The following PTPN2 variants were observed in gnomAD, a reference collection of about 807,000 sequenced individuals.
PTPN2 encodes tyrosine-protein phosphatase non-receptor type 2.
A neutral mutation model predicts 57.3 loss-of-function variants in PTPN2; 19 were observed. The observed-to-expected ratio is 0.33, with a 90% CI of 0.23 to 0.49. The LOEUF is 0.49. Ranked by LOEUF, PTPN2 falls within the 20% of genes least tolerant of loss-of-function variation. PTPN2 has a pLI of 0.99. For missense variants in PTPN2, 358 were observed against 501.1 expected, an observed-to-expected ratio of 0.71 and a Z score of 2.73; for synonymous variants, 153 against 164.9, an observed-to-expected ratio of 0.93 and a Z score of 0.55.
chr18:12,809,480 C>T (rs1480351774), intron 7 of PTPN2, among the ~76,000 whole-genome samples: 1 of 152,176 alleles, frequency 6.6e-6, no homozygotes, highest in African/African-American at 2.4e-5. Flanking sequence ...GAAACATGAT[C>T]CCCATCTATG....
chr18:12,823,018 CAG>C (rs2042325161), intron 5 of PTPN2, among the ~76,000 whole-genome samples: 1 of 152,172 alleles, frequency 6.6e-6, no homozygotes, highest in South Asian at 2.1e-4. Context: ...GCAAGAATGG[CAG>C]AGTCAGGATT....
intron 4 of PTPN2, 83 bp from the exon 5 acceptor site, chr18:12,826,027 G>A: frequency 9.0e-7 from 1 of 1,110,568 alleles, no homozygotes; most frequent in South Asian, 1.7e-5. Context: ...AAACAAACCA[G>A]ATATATACAT....
chr18:12,796,591 A>T (rs1453099833), intron 8 of PTPN2, among the ~76,000 whole-genome samples: 4 of 152,224 alleles, frequency 2.6e-5, no homozygotes, highest in Non-Finnish European at 5.9e-5. Context: ...AAAAAGTTAA[A>T]CATAGAGTTA....
chr18:12,844,270 A>G (rs2043144143), intron 2 of PTPN2, among the ~76,000 whole-genome samples: 1 of 152,252 alleles, frequency 6.6e-6, no homozygotes, highest in African/African-American at 2.4e-5. Context: ...TGTGGACATT[A>G]TGACTGCATT....
chr18:12,840,872 T>G, intron 2 of PTPN2: 3 of 1,580,176 alleles, frequency 1.9e-6, no homozygotes, highest in Non-Finnish European at 2.6e-6. Context: ...ACCCCACTTC[T>G]GTGCCGATGC....
At chr18:12,852,880 TA>T (rs1000877417) in intron 2 of PTPN2, among the ~76,000 whole-genome samples, 3 of 152,232 alleles carry the variant, frequency 2.0e-5, no homozygotes, top group Non-Finnish European at 2.9e-5. Flanking sequence ...TCTGAATTTT[TA>T]AAAAATTCTT....
intron 1 of PTPN2, among the ~76,000 whole-genome samples, chr18:12,879,409 CCT>C (rs781079833): frequency 1.3e-5 from 2 of 152,194 alleles, no homozygotes; most frequent in Non-Finnish European, 2.9e-5. Context: ...TCAACCTCCA[CCT>C]CTCTCTTTAG....
intron 1 of PTPN2, among the ~76,000 whole-genome samples, chr18:12,871,087 T>A (rs557197902): frequency 8.6e-4 from 131 of 152,294 alleles, no homozygotes; most frequent in South Asian, 1.7e-3. Flanking sequence ...AAACAGATAT[T>A]AGCATACTGT....
At chr18:12,881,123 G>A (rs1417258228) in intron 1 of PTPN2, among the ~76,000 whole-genome samples, 1 of 152,168 alleles carries the variant, frequency 6.6e-6, no homozygotes, top group East Asian at 1.9e-4. Flanking sequence ...CTAGCAGTCA[G>A]AACGATCTTG....
intron 6 of PTPN2, among the ~76,000 whole-genome samples, chr18:12,816,256 C>T (rs2042070516): frequency 6.6e-6 from 1 of 152,130 alleles, no homozygotes; most frequent in Non-Finnish European, 1.5e-5. Flanking sequence ...GCAGTGATTG[C>T]ACCATTGTAC....
chr18:12,874,248 A>G (rs1291377796), intron 1 of PTPN2, among the ~76,000 whole-genome samples: 2 of 130,164 alleles, frequency 1.5e-5, no homozygotes, highest in Non-Finnish European at 3.2e-5. Context: ...TCCGGGAGGG[A>G]GGTGGGGGGT....
chr18:12,833,142 C>T (rs974034451), intron 3 of PTPN2, among the ~76,000 whole-genome samples: 1 of 152,164 alleles, frequency 6.6e-6, no homozygotes, highest in Non-Finnish European at 1.5e-5. Flanking sequence ...CTTCCATTTA[C>T]CAGCAATGCT....
At chr18:12,874,557 G>A (rs1381481983) in intron 1 of PTPN2, among the ~76,000 whole-genome samples, 1 of 104,968 alleles carries the variant, frequency 9.5e-6, no homozygotes, top group Non-Finnish European at 1.9e-5. Context: ...CTCCCCGCCC[G>A]GCCAGCCGCC....
intron 2 of PTPN2, among the ~76,000 whole-genome samples, chr18:12,849,712 T>C (rs2043329401): frequency 6.6e-6 from 1 of 152,210 alleles, no homozygotes; most frequent in African/African-American, 2.4e-5. Flanking sequence ...TACATCTATA[T>C]TCACTTGCAT....
At chr18:12,847,112 G>A (rs549044867) in intron 2 of PTPN2, among the ~76,000 whole-genome samples, 1 of 151,716 alleles carries the variant, frequency 6.6e-6, no homozygotes, top group African/African-American at 2.4e-5. Context: ...AGGTGAATGC[G>A]GGAAATTGGT....
chr18:12,849,315 T>C (rs1456512716), intron 2 of PTPN2, among the ~76,000 whole-genome samples: 2 of 152,184 alleles, frequency 1.3e-5, no homozygotes, highest in Non-Finnish European at 2.9e-5. Context: ...TCCCAGCACT[T>C]TGGGAGGCCG....
chr18:12,841,720 T>G (rs1022741188), intron 2 of PTPN2, among the ~76,000 whole-genome samples: 3 of 152,106 alleles, frequency 2.0e-5, no homozygotes, highest in African/African-American at 7.2e-5. Flanking sequence ...ATTCCACAAA[T>G]CTCCTAATTG....
intron 8 of PTPN2, among the ~76,000 whole-genome samples, chr18:12,795,250 T>C (rs1475383003): frequency 6.6e-6 from 1 of 152,184 alleles, no homozygotes; most frequent in African/African-American, 2.4e-5. Context: ...ACCATACACA[T>C]TTCTACCTCC....
intron 8 of PTPN2, 60 bp downstream of exon 8, chr18:12,801,910 A>G (rs1186889746): frequency 1.0e-5 from 15 of 1,443,438 alleles, no homozygotes; most frequent in Middle Eastern, 2.2e-4. Flanking sequence ...CTGGTCCCAT[A>G]AAATTTATTT....
Sources: gnomAD v4.1 joint callset for allele counts (sites outside exome capture counted in the v4.1 genomes callset) on GRCh38, gnomAD v4.1.1 for gene constraint, MANE v1.5 for transcripts, NCBI Gene and HGNC (gene_info 2026-07-23, HGNC 2026-07-21) for gene names.